Variants in UPRT observed in about 807,000 individuals in gnomAD.
The protein encoded by UPRT is RP11-311P8.3.
Under a neutral mutation model 22.6 loss-of-function variants are expected in UPRT, and 5 were observed. The observed-to-expected ratio is 0.22, with a 90% CI of 0.12 to 0.47. The LOEUF (loss-of-function observed/expected upper bound fraction) is 0.47, where lower values mean the gene tolerates loss of function less well. Among genes scored for constraint, UPRT ranks in the 20% least tolerant of loss-of-function variants. The pLI, the probability that UPRT is intolerant of heterozygous loss-of-function variation, is 0.99. For missense variants in UPRT, 181 were observed against 239.9 expected (o/e 0.75, Z 1.62); for synonymous variants, 77 against 87.7 (o/e 0.88, Z 0.68).
At chrX:75,162,021 A>G (rs2082201373) in intron 2 of UPRT, among the ~76,000 whole-genome samples, 1 of 110,973 alleles carries the variant, frequency 9.0e-6, no homozygotes, top group Non-Finnish European at 1.9e-5. Context: ...CCTTTTGAAC[A>G]CTATGCATTG....
intron 4 of UPRT, among the ~76,000 whole-genome samples, chrX:75,264,304 T>C (rs1354792823): frequency 8.9e-6 from 1 of 111,807 alleles, no homozygotes; most frequent in Non-Finnish European, 1.9e-5. Context: ...CATTGATCTG[T>C]CTAATGTTGA....
chrX:75,184,222 A>G (rs2082281215), intron 4 of UPRT, among the ~76,000 whole-genome samples: 1 of 112,067 alleles, frequency 8.9e-6, no homozygotes, highest in African/African-American at 3.2e-5. Flanking sequence ...GAAGGGATCC[A>G]GTTTCAGCTT....
intron 4 of UPRT, among the ~76,000 whole-genome samples, chrX:75,187,609 T>G (rs1254973114): frequency 8.9e-6 from 1 of 112,213 alleles, no homozygotes; most frequent in Non-Finnish European, 1.9e-5. Flanking sequence ...ATAATATCCT[T>G]CAGAGTGTTT....
At position 75,171,442 on chromosome X, in the gene UPRT, C is replaced by T. The variant is rs138884373; in HGVS notation, c.-447+3563C>T. Reference sequence around the variant, plus strand: ...TGAAGTTGTGATTGTTTTTTATTTACGCTATCTATTTCACTGAATATTTCT... The same window carrying T: ...TGAAGTTGTGATTGTTTTTTATTTATGCTATCTATTTCACTGAATATTTCT... On this transcript the variant is annotated intron_variant, in intron 4 of 13. Transcript: ENST00000652605. 4.4e-3 allele frequency among the ~76,000 whole-genome samples: 486 copies of T among 110,842 alleles called. 2 individuals are homozygous for T. The highest frequency in any genetic ancestry group is 0.012 in the South Asian group (32 of 2,603).
chrX:75,245,032 A>G (rs2082499781), intron 4 of UPRT, among the ~76,000 whole-genome samples: 1 of 110,865 alleles, frequency 9.0e-6, no homozygotes, highest in African/African-American at 3.3e-5. Context: ...ACATCCAACA[A>G]AAGTCTAATA....
chrX:75,298,584 A>G (rs895965051), intron 4 of UPRT, among the ~76,000 whole-genome samples: 4 of 112,298 alleles, frequency 3.6e-5, no homozygotes, highest in Non-Finnish European at 7.5e-5. Flanking sequence ...CACTGAATAC[A>G]TATAGTTTAA....
chrX:75,241,935 G>A (rs2082489862), intron 4 of UPRT, among the ~76,000 whole-genome samples: 1 of 110,612 alleles, frequency 9.0e-6, no homozygotes, highest in South Asian at 3.9e-4. Flanking sequence ...GGTGGGAAGG[G>A]GCTGAGGGAT....
At chrX:75,187,029 G>T (rs1303240263) in intron 4 of UPRT, among the ~76,000 whole-genome samples, 1 of 111,209 alleles carries the variant, frequency 9.0e-6, no homozygotes, top group Admixed American at 9.5e-5. Context: ...TACATTTAAG[G>T]TTAATATTGT....
intron 1 of UPRT, among the ~76,000 whole-genome samples, chrX:75,276,363 A>T (rs1218242106): frequency 8.9e-6 from 1 of 111,845 alleles, no homozygotes; most frequent in African/African-American, 3.2e-5. Flanking sequence ...CTCAATTACT[A>T]GAGTTTTTTT....
intron 4 of UPRT, among the ~76,000 whole-genome samples, chrX:75,181,823 T>C (rs1395372983): frequency 8.9e-6 from 1 of 111,869 alleles, no homozygotes; most frequent in Non-Finnish European, 1.9e-5. Flanking sequence ...TCTTCCTATT[T>C]GAATGCCTTT....
At chrX:75,297,133 G>T (rs2082728643) in intron 3 of UPRT, among the ~76,000 whole-genome samples, 1 of 111,555 alleles carries the variant, frequency 9.0e-6, no homozygotes, top group Non-Finnish European at 1.9e-5. Flanking sequence ...TTCTGCTGTG[G>T]CTCACAGTGG....
rs1602436706 is a variant in UPRT, at chrX:75,172,964, G to A, written c.-447+5085G>A. 2.7e-5 allele frequency among the ~76,000 whole-genome samples: 3 copies of A among 111,293 alleles called. 1 individual carries two copies. In the Admixed American group the frequency reaches 2.8e-4, roughly 11 times the overall value. ...CTGAGCGGGTTGCACTGCTGGCTCG[G>A]GCAGCCTGCTTTTATTCTCTCATCT... On this transcript the variant is annotated intron_variant, in intron 4 of 13. Transcript: ENST00000652605.
chrX:75,212,237 A>T (rs1457444649), intron 4 of UPRT, among the ~76,000 whole-genome samples: 2 of 112,436 alleles, frequency 1.8e-5, no homozygotes, highest in Non-Finnish European at 3.7e-5. Context: ...ATACATTCTT[A>T]TCAGTGCCGC....
intron 4 of UPRT, among the ~76,000 whole-genome samples, chrX:75,248,461 G>A (rs756740145): frequency 2.7e-5 from 3 of 112,038 alleles, no homozygotes; most frequent in East Asian, 2.8e-4. Context: ...GGGTATCAGC[G>A]ATGGAAGACA....
intron 1 of UPRT, among the ~76,000 whole-genome samples, chrX:75,280,655 G>A (rs1160512254): frequency 8.9e-6 from 1 of 112,012 alleles, no homozygotes; most frequent in East Asian, 2.8e-4. Flanking sequence ...CCAGTGCCAT[G>A]CTGTTTTGAT....
chrX:75,204,824 A>C (rs1020737663), intron 4 of UPRT, among the ~76,000 whole-genome samples: 2 of 111,290 alleles, frequency 1.8e-5, no homozygotes, highest in South Asian at 3.8e-4. Flanking sequence ...AGTTGGAAGA[A>C]AGAGGGGAGT....
chrX:75,251,780 C>G (rs903159875), intron 4 of UPRT, among the ~76,000 whole-genome samples: 1 of 111,445 alleles, frequency 9.0e-6, no homozygotes, highest in Admixed American at 9.6e-5. Flanking sequence ...AAGAACCAAG[C>G]TGGAGGCATC....
intron 4 of UPRT, among the ~76,000 whole-genome samples, chrX:75,206,892 C>T (rs954190357): frequency 5.4e-4 from 61 of 112,084 alleles, no homozygotes; most frequent in Non-Finnish European, 1.0e-3. Flanking sequence ...TCTCGATCTC[C>T]TGACCTCGTG....
At chrX:75,157,051 T>C (rs1320149408) in intron 1 of UPRT, among the ~76,000 whole-genome samples, 1 of 112,162 alleles carries the variant, frequency 8.9e-6, no homozygotes, top group Non-Finnish European at 1.9e-5. Flanking sequence ...GTGAAATGTA[T>C]GGAGAGAAGA....
Sources: allele counts gnomAD v4.1 joint callset (sites outside exome capture counted in the v4.1 genomes callset), GRCh38; gene constraint gnomAD v4.1.1; transcripts MANE v1.5; gene names NCBI Gene and HGNC (gene_info 2026-07-23, HGNC 2026-07-21).